The following PFKFB2 variants were observed in gnomAD, a reference collection of about 807,000 sequenced individuals.
PFKFB2 encodes the protein 6-phosphofructo-2-kinase/fructose-2,6-bisphosphatase 2.
A neutral mutation model predicts 68.0 loss-of-function variants in PFKFB2; 53 were observed. The observed-to-expected ratio is 0.78, with a 90% CI of 0.63 to 0.98. The LOEUF is 0.98. Ranked by LOEUF, PFKFB2 falls within the 50% of genes least tolerant of loss-of-function variation. The pLI, the probability that PFKFB2 is intolerant of heterozygous loss-of-function variation, is 0.00. For synonymous variants in PFKFB2, 222 were observed against 227.6 expected (o/e 0.98, Z 0.22); for missense variants, 451 against 642.0 (o/e 0.70, Z 3.22).
At chr1:207,036,144 C>A (rs2102312121) in intron 1 of PFKFB2, among the ~76,000 whole-genome samples, 1 of 152,232 alleles carries the variant, frequency 6.6e-6, no homozygotes. Context: ...ACTAGGTCCA[C>A]CTCCAACTTT....
At chr1:207,034,904 C>T (rs1682348127) in intron 1 of PFKFB2, 1 of 152,624 alleles carries the variant, frequency 6.6e-6, no homozygotes, top group South Asian at 2.1e-4. Context: ...AATGTTTTCC[C>T]TGGAATTCAT....
In PFKFB2 at chr1:207,068,324, C is replaced by G; in HGVS notation, c.987+15C>G. The G allele has an allele frequency of 6.5e-7, 1 of 1,536,680 alleles. No individual in the cohort carries two copies. Among genetic ancestry groups the G allele is most frequent in the Non-Finnish European group, 8.8e-7 (1 of 1,140,674 alleles). ...AGATTGATGCTGTGAGTAGGAAGCT[C>G]TGAAGGCCCAGAAAAGCCAACAAGA... On this transcript the variant is annotated intron_variant, in intron 10 of 14. Coordinates refer to ENST00000367080, the MANE Select transcript of PFKFB2 (RefSeq NM_006212.2).
intron 1 of PFKFB2, among the ~76,000 whole-genome samples, chr1:207,040,019 A>C (rs537573006): frequency 1.1e-4 from 17 of 152,298 alleles, no homozygotes; most frequent in Admixed American, 2.6e-4. Flanking sequence ...AGTGAGCCAC[A>C]CTCACTGCAG....
At chr1:207,047,454 G>C (rs1407274357) in intron 2 of PFKFB2, 1 of 152,508 alleles carries the variant, frequency 6.6e-6, no homozygotes, top group African/African-American at 2.4e-5. Context: ...CATTTGCTAG[G>C]CAGATATGCT....
chr1:207,060,028 G>T (rs1384115321), intron 2 of PFKFB2, among the ~76,000 whole-genome samples: 1 of 152,130 alleles, frequency 6.6e-6, no homozygotes, highest in African/African-American at 2.4e-5. Context: ...ATTGGAGCCG[G>T]CAGAGCCTGA....
At position 207,073,341 on chromosome 1, in the gene PFKFB2, C is replaced by A. The variant is rs1683524463; in HGVS notation, c.*970C>A. 1.0e-6 allele frequency: 1 copy of A among 985,294 alleles called. No individual in the cohort carries two copies. The highest frequency in any genetic ancestry group is 1.2e-6 in the Non-Finnish European group (1 of 829,950). The allele number at this position is 985,294 out of a possible 1,614,324, so 61.0% of individuals were successfully genotyped here. On this transcript the variant is annotated 3_prime_UTR_variant, in exon 15 of 15. Transcript: ENST00000367080. ...CTCCCATGACTCTCAGGTTCTTTGC[C>A]AATCACAGCAACTTTTCCTGCCAAA...
rs75138554 is a variant in PFKFB2, at chr1:207,059,005, C to T, written c.86-2948C>T. Among the ~76,000 whole-genome samples, 331 of 152,228 alleles carry T rather than the reference C, an allele frequency of 2.2e-3. 3 individuals are homozygous for T. The highest frequency in any genetic ancestry group is 7.0e-3 in the African/African-American group (291 of 41,536). On this transcript the variant is annotated intron_variant, in intron 2 of 14. Transcript: ENST00000367080. ...TTTTTAACAGGCAGGACAGAATGTT[C>T]CTACTTTTGCCAGTGTGGTAATTTG...
upstream of PFKFB2, chr1:207,049,220 G>C (rs1558053774): frequency 1.2e-6 from 2 of 1,614,018 alleles, no homozygotes; most frequent in Non-Finnish European, 1.7e-6. Context: ...AAAATGGTCA[G>C]AGGAGGTGTA....
At chr1:207,050,778 C>CGGGGGCGATCCCGGTGAT, upstream of PFKFB2, 1 of 1,613,438 alleles carries the variant, frequency 6.2e-7, no homozygotes, top group Non-Finnish European at 8.5e-7. Context: ...CGCTGACCGC[C>CGGGGGCGATCCCGGTGAT]GGGGGCGATC....
upstream of PFKFB2, among the ~76,000 whole-genome samples, chr1:207,050,452 G>A (rs116259799): frequency 3.3e-3 from 505 of 152,316 alleles, 2 homozygotes; most frequent in African/African-American, 0.01. Flanking sequence ...AAGCGGAATG[G>A]GGAAGGGGGT....
chr1:207,069,268 T>G lies in PFKFB2; in HGVS notation c.988-156T>G, dbSNP rs539797360. Among the ~76,000 whole-genome samples, 3 of 152,272 alleles carry G rather than the reference T, an allele frequency of 2.0e-5. No individual in the cohort carries two copies. In the South Asian group the frequency reaches 6.2e-4, roughly 32 times the overall value. On this transcript the variant is annotated intron_variant, in intron 10 of 14. Coordinates refer to ENST00000367080, the MANE Select transcript of PFKFB2 (RefSeq NM_006212.2). ...GTGAGTCACAGACACTCTGTGACAC[T>G]CTGGTCACAGGCAGCTGCAATACAT...
chr1:207,075,953 A>C lies in PFKFB2; in HGVS notation c.*3582A>C, dbSNP rs753381329. The C allele has an allele frequency of 1.9e-5, 19 of 985,204 alleles. No homozygotes were observed. Among genetic ancestry groups the C allele is most frequent in the Non-Finnish European group, 2.3e-5 (19 of 829,818 alleles). 61.0% of individuals were successfully genotyped at this position (985,204 alleles called of 1,614,324 possible). A position where few individuals can be genotyped will look rare whatever the true frequency, so the allele number is the denominator to read the frequency against. On this transcript the variant is annotated 3_prime_UTR_variant, in exon 15 of 15. Coordinates refer to ENST00000367080, the MANE Select transcript of PFKFB2 (RefSeq NM_006212.2). ...TTGTTTTGGTAAAGGGATGATTTTT[A>C]CATTGAGTTTTAAAGTAGAATAAGA...
intron 2 of PFKFB2, chr1:207,047,799 T>G (rs148855767): frequency 0.016 from 2,413 of 152,556 alleles, 25 homozygotes; most frequent in Non-Finnish European, 0.021. Flanking sequence ...ATTTTGGAAG[T>G]GAAACTAGTT....
chr1:207,050,756 C>A, upstream of PFKFB2: 1 of 1,613,406 alleles, frequency 6.2e-7, no homozygotes, highest in Non-Finnish European at 8.5e-7. Flanking sequence ...GGGAGGGTAT[C>A]CGACGAGGAT....
Position 207,042,549 on chromosome 1 carries a change from CAAAAAAAAAAAAAAAAA to C in PFKFB2, c.-18+353_-18+369del, listed in dbSNP as rs57077682. Among the ~76,000 whole-genome samples, 145 of 44,718 alleles carry C rather than the reference CAAAAAAAAAAAAAAAAA, an allele frequency of 3.2e-3. 5 individuals are homozygous for C. Among genetic ancestry groups the C allele is most frequent in the Non-Finnish European group, 2.4e-3 (57 of 23,622 alleles). The allele number at this position is 44,718 out of a possible 152,430, so 29.3% of individuals were successfully genotyped here. A position where few individuals can be genotyped will look rare whatever the true frequency, so the allele number is the denominator to read the frequency against. ...GGCGACACAGCAACACTCTGTCTCA[CAAAAAAAAAAAAAAAAA>C]AAAAAAAAAAAAAAAGACTATTGCT... On this transcript the variant is annotated intron_variant, in intron 2 of 5. Transcript: ENST00000545806.
At chr1:207,054,829 G>A (rs371398133) in intron 2 of PFKFB2, 27 bp downstream of exon 2, 106 of 1,448,854 alleles carry the variant, frequency 7.3e-5, no homozygotes, top group Non-Finnish European at 9.8e-5. Flanking sequence ...AGGAGGGACT[G>A]CTCTCTCTCA....
In PFKFB2 at chr1:207,070,348, C is replaced by T. The variant is rs373878170; in HGVS notation, c.1161C>T (p.Leu387=). The change falls in exon 12 of 15, where the codon CTC becomes CTT. Residue 387 remains leucine, a synonymous_variant. Transcript: ENST00000367080. This position sits in a 1 kb window ranked among gnomAD's most constrained non-coding sequence, Gnocchi z 4.2. ...IMELERQGNV[L]VISHQAVMRC... ...AGCTGGAACGTCAGGGCAATGTCCTCGTCATCTCCCACCAGGCTGTCATGC... is the reference window on the plus strand; with the variant it reads ...AGCTGGAACGTCAGGGCAATGTCCTTGTCATCTCCCACCAGGCTGTCATGC... 1.5e-5 allele frequency: 25 copies of T among 1,613,816 alleles called. No individual in the cohort carries two copies. Among genetic ancestry groups the T allele is most frequent in the East Asian group, 2.2e-5 (1 of 44,888 alleles).
At chr1:207,061,837 A>G (rs1178171507) in intron 2 of PFKFB2, 116 bp from the exon 3 acceptor site, 1 of 856,718 alleles carries the variant, frequency 1.2e-6, no homozygotes, top group Non-Finnish European at 1.9e-6. Flanking sequence ...AGCTGAGATC[A>G]CGCCACTGTA....
intron 2 of PFKFB2, among the ~76,000 whole-genome samples, chr1:207,057,114 C>T (rs937647386): frequency 4.6e-5 from 7 of 151,928 alleles, no homozygotes; most frequent in African/African-American, 1.7e-4. Context: ...GCCGAGGTGC[C>T]TTTACGGTGC....
Sources: gnomAD v4.1 joint callset for allele counts (sites outside exome capture counted in the v4.1 genomes callset) on GRCh38, gnomAD v4.1.1 for gene constraint, Gnocchi (gnomAD v3.1) non-coding constraint, MANE v1.5 for transcripts, NCBI Gene and HGNC (gene_info 2026-07-23, HGNC 2026-07-21) for gene names.